Variants in HECW2 observed in about 807,000 individuals in gnomAD.
HECW2 encodes E3 ubiquitin-protein ligase HECW2.
HECW2 carries 61 observed loss-of-function variants against 175.2 expected under a neutral mutation model. The observed-to-expected ratio is 0.35, with a 90% CI of 0.28 to 0.43. The LOEUF (loss-of-function observed/expected upper bound fraction) is 0.43, where lower values mean the gene tolerates loss of function less well. HECW2 is among the 20% of genes least tolerant of loss of function. The pLI is 1.00. For synonymous variants in HECW2, 671 were observed against 731.0 expected (o/e 0.92, Z 1.32); for missense variants, 1,524 against 2,000.5 (o/e 0.76, Z 4.54).
chr2:196,257,679 C>A, intron 18 of HECW2, 144 bp downstream of exon 18: 1 of 623,606 alleles, frequency 1.6e-6, no homozygotes, highest in South Asian at 2.0e-5. Flanking sequence ...CAATCAGCAC[C>A]CTAAATCTTC....
rs1026609188 is a variant in HECW2 at position 196,211,993 on chromosome 2, C to T, written c.4607+3872G>A. ...CTGGGACTATAGGCGTATGCCACCA[C>T]GCCCAGGTAATTTTTGTATTTTTAG... is the stretch of plus-strand genomic sequence containing the variant. On this transcript the variant is annotated intron_variant, in intron 28 of 28. Coordinates refer to ENST00000644978, the MANE Select transcript of HECW2 (RefSeq NM_001348768.2). Among the ~76,000 whole-genome samples, 9 of 152,122 alleles carry T rather than the reference C, an allele frequency of 5.9e-5. No individual in the cohort carries two copies. In the South Asian group the frequency reaches 8.3e-4, roughly 14 times the overall value.
chr2:196,483,788 T>C (rs566363900), intron 1 of HECW2, among the ~76,000 whole-genome samples: 3 of 152,188 alleles, frequency 2.0e-5, no homozygotes, highest in Non-Finnish European at 4.4e-5. Flanking sequence ...GAATCTTAAA[T>C]TGCAATGTGG....
chr2:196,334,417 C>A lies in HECW2; in HGVS notation c.495+7G>T, dbSNP rs1692475638. The A allele has an allele frequency of 1.9e-6, 3 of 1,599,872 alleles. No individual in the cohort carries two copies. Among genetic ancestry groups the A allele is most frequent in the Non-Finnish European group, 2.6e-6 (3 of 1,172,526 alleles). On this transcript the variant is annotated splice_region_variant and intron_variant, in intron 4 of 28. Coordinates refer to ENST00000644978, the MANE Select transcript of HECW2 (RefSeq NM_001348768.2). Reference sequence around the variant, plus strand: ...TCACAAGGAAGCTGGCAGCGAGGGGCACTCACCATCACAGCTGGGTTCTTC... The same window carrying A: ...TCACAAGGAAGCTGGCAGCGAGGGGAACTCACCATCACAGCTGGGTTCTTC...
chr2:196,585,804 A>T (rs1690954638), intron 1 of HECW2, among the ~76,000 whole-genome samples: 1 of 152,210 alleles, frequency 6.6e-6, no homozygotes, highest in Non-Finnish European at 1.5e-5. Flanking sequence ...GATTATGCCA[A>T]TGGCAATAAA....
chr2:196,329,995 A>G (rs902681941), intron 4 of HECW2, among the ~76,000 whole-genome samples: 4 of 152,224 alleles, frequency 2.6e-5, no homozygotes, highest in African/African-American at 9.6e-5. Flanking sequence ...AAAACCAAAC[A>G]TCAAGTTCCT....
chr2:196,543,717 A>G (rs1384026138), intron 1 of HECW2, among the ~76,000 whole-genome samples: 1 of 152,102 alleles, frequency 6.6e-6, no homozygotes, highest in Non-Finnish European at 1.5e-5. Flanking sequence ...GGTTCAAGCA[A>G]TTCTCCTGCC....
At chr2:196,423,684 T>TTGTGTGTGTGTGTG (rs60030164) in intron 2 of HECW2, among the ~76,000 whole-genome samples, 12,306 of 139,894 alleles carry the variant, frequency 0.088, 666 homozygotes, top group Middle Eastern at 0.11. Context: ...TAGTATTCCA[T>TTGTGTGTGTGTGTG]TGTGTGTGTG....
intron 1 of HECW2, among the ~76,000 whole-genome samples, chr2:196,442,119 T>A (rs937711681): frequency 3.9e-5 from 6 of 152,114 alleles, no homozygotes; most frequent in African/African-American, 1.4e-4. Flanking sequence ...TCATTAAATA[T>A]GCAACTAGAT....
chr2:196,321,418 C>T (rs1426846539), intron 7 of HECW2, among the ~76,000 whole-genome samples: 1 of 142,590 alleles, frequency 7.0e-6, no homozygotes, highest in Non-Finnish European at 1.5e-5. Flanking sequence ...GACAGAGTCT[C>T]GCTCTGTTGC....
At chr2:196,533,291 A>G (rs16853400) in intron 1 of HECW2, among the ~76,000 whole-genome samples, 23,410 of 152,208 alleles carry the variant, frequency 0.15, 3,312 homozygotes, top group African/African-American at 0.38. Context: ...TTGATTACGA[A>G]TTAGCAACCA....
chr2:196,205,666 A>C (rs2105770117), intron 28 of HECW2, among the ~76,000 whole-genome samples: 2 of 151,964 alleles, frequency 1.3e-5, no homozygotes, highest in East Asian at 1.9e-4. Flanking sequence ...TATCAAAATC[A>C]CTCCAGGAGC....
At chr2:196,241,512 T>C (rs1688453947) in intron 20 of HECW2, among the ~76,000 whole-genome samples, 2 of 151,876 alleles carry the variant, frequency 1.3e-5, no homozygotes, top group African/African-American at 4.8e-5. Flanking sequence ...AGTGGGGACG[T>C]GGGACAGGGG....
intron 1 of HECW2, among the ~76,000 whole-genome samples, chr2:196,573,349 A>G (rs73988003): frequency 0.053 from 8,051 of 152,020 alleles, 689 homozygotes; most frequent in African/African-American, 0.18. Flanking sequence ...AAAAATATCT[A>G]AGTCTCAATA....
At chr2:196,373,717 T>C (rs4261739) in intron 2 of HECW2, among the ~76,000 whole-genome samples, 3,593 of 152,192 alleles carry the variant, frequency 0.024, 148 homozygotes, top group African/African-American at 0.082. Context: ...GTAATGATTA[T>C]ACATGAAAAA....
chr2:196,513,958 G>A (rs1385131385), intron 1 of HECW2, among the ~76,000 whole-genome samples: 1 of 152,228 alleles, frequency 6.6e-6, no homozygotes, highest in Non-Finnish European at 1.5e-5. Flanking sequence ...CAGTGGGGGA[G>A]GCGCTGCTGG....
At chr2:196,418,482 G>C (rs942710989) in intron 2 of HECW2, among the ~76,000 whole-genome samples, 2 of 152,104 alleles carry the variant, frequency 1.3e-5, no homozygotes, top group African/African-American at 4.8e-5. Flanking sequence ...GCTTGTACTA[G>C]AGGTATAATA....
chr2:196,583,935 A>G (rs1690883953), intron 1 of HECW2, among the ~76,000 whole-genome samples: 1 of 152,212 alleles, frequency 6.6e-6, no homozygotes, highest in African/African-American at 2.4e-5. Flanking sequence ...TTAAGATTTT[A>G]ATTGCTACAA....
chr2:196,454,613 C>CA (rs1239059838), intron 1 of HECW2, among the ~76,000 whole-genome samples: 1 of 152,188 alleles, frequency 6.6e-6, no homozygotes, highest in Non-Finnish European at 1.5e-5. Flanking sequence ...GAAAAGGAGG[C>CA]ATGATAAGCA....
intron 1 of HECW2, among the ~76,000 whole-genome samples, chr2:196,526,031 C>T: frequency 5.1e-5 from 4 of 78,168 alleles, no homozygotes; most frequent in African/African-American, 5.4e-5. Context: ...GCCTGCCTTG[C>T]TAGATTGGGG....
Sources: allele counts gnomAD v4.1 joint callset (sites outside exome capture counted in the v4.1 genomes callset), GRCh38; gene constraint gnomAD v4.1.1; transcripts MANE v1.5; gene names NCBI Gene and HGNC (gene_info 2026-07-23, HGNC 2026-07-21).